The following DNAAF9 variants were observed in gnomAD, a reference collection of about 807,000 sequenced individuals.
DNAAF9 encodes the protein shulin.
In DNAAF9, 90 loss-of-function variants were observed where a neutral mutation model predicts 167.0. That is an observed-to-expected ratio of 0.54 (90% CI 0.45 to 0.64). DNAAF9 has a LOEUF of 0.64. Among genes scored for constraint, DNAAF9 ranks in the 30% least tolerant of loss-of-function variants. The probability of loss-of-function intolerance (pLI) is 0.00; values close to 1 mark genes in which losing one functional copy is unlikely to be tolerated. For synonymous variants in DNAAF9, 491 were observed against 508.8 expected, an observed-to-expected ratio of 0.96 and a Z score of 0.47; for missense variants, 1,315 against 1,442.2, an observed-to-expected ratio of 0.91 and a Z score of 1.43.
At chr20:3,350,590 G>A (rs1041317574) in intron 7 of DNAAF9, among the ~76,000 whole-genome samples, 7 of 152,140 alleles carry the variant, frequency 4.6e-5, no homozygotes, top group Non-Finnish European at 4.4e-5. Context: ...TCAGATTGTG[G>A]TGCTGAAATA....
chr20:3,360,834 C>G (rs1362228676), intron 6 of DNAAF9, among the ~76,000 whole-genome samples: 3 of 152,188 alleles, frequency 2.0e-5, no homozygotes, highest in Non-Finnish European at 4.4e-5. Context: ...TAAAACAATT[C>G]AGAAGGATCA....
At chr20:3,398,385 T>C (rs1305076614) in intron 1 of DNAAF9, among the ~76,000 whole-genome samples, 1 of 152,220 alleles carries the variant, frequency 6.6e-6, no homozygotes, top group Non-Finnish European at 1.5e-5. Flanking sequence ...TCCATTTTTT[T>C]ACTTAAATCC....
In DNAAF9 at chr20:3,256,033, C is replaced by T. The variant is rs1278184541; in HGVS notation, c.3234G>A (p.Lys1078=). The T allele has an allele frequency of 1.2e-6, 2 of 1,613,640 alleles. No homozygotes were observed. Among genetic ancestry groups the T allele is most frequent in the East Asian group, 4.5e-5 (2 of 44,880 alleles). The change falls in exon 34 of 37, where the codon AAG becomes AAA. Residue 1078 remains lysine (K), a synonymous_variant. Coordinates refer to ENST00000252032, the MANE Select transcript of DNAAF9 (RefSeq NM_001009984.3). ...GCTTAGCTGACTGCCGCAGCCAGTCCTTGATGCTGTCTTCCTTCAGGGAGC... is the reference window on the plus strand; with the variant it reads ...GCTTAGCTGACTGCCGCAGCCAGTCTTTGATGCTGTCTTCCTTCAGGGAGC... The part of the protein sequence containing the change: ...IGCSLKEDSI[K]DWLRQSAKQK...
At chr20:3,335,337 T>C (rs2069916825) in intron 10 of DNAAF9, among the ~76,000 whole-genome samples, 1 of 152,314 alleles carries the variant, frequency 6.6e-6, no homozygotes, top group East Asian at 1.9e-4. Context: ...CCCTTAATTC[T>C]AGAAGGATAT....
In DNAAF9 at chr20:3,340,660, CAT is replaced by C. The variant is rs779037316; in HGVS notation, c.846-23_846-22del. 1.1e-5 allele frequency: 18 copies of C among 1,613,206 alleles called. No homozygotes were observed. The East Asian group carries it at 1.8e-4, about 16-fold the overall frequency. On this transcript the variant is annotated intron_variant, in intron 9 of 36. Coordinates refer to ENST00000252032, the MANE Select transcript of DNAAF9 (RefSeq NM_001009984.3). Reference sequence around the variant, plus strand: ...TAGGGCTAGAGAGGGAAGTCAAAAACATGTGATTAGAAAAGAGTTCCTGGCCA... The same window carrying C: ...TAGGGCTAGAGAGGGAAGTCAAAAACGTGATTAGAAAAGAGTTCCTGGCCA...
In DNAAF9 at chr20:3,250,167, C is replaced by T. The variant is rs2068175599; in HGVS notation, c.*2405G>A. 1 of 152,234 alleles carries T rather than the reference C, an allele frequency of 6.6e-6. No homozygotes were observed. Among genetic ancestry groups the T allele is most frequent in the Non-Finnish European group, 1.5e-5 (1 of 68,036 alleles). 9.4% of individuals were successfully genotyped at this position (152,234 alleles called of 1,614,324 possible). On this transcript the variant is annotated 3_prime_UTR_variant, in exon 37 of 37. Transcript: ENST00000252032. ...CTTTGCTGGGTCCCTGGATCCACTT[C>T]TAAGGTCAAAAGCAGTGTCATGGCC...
intron 1 of DNAAF9, among the ~76,000 whole-genome samples, chr20:3,392,710 T>G (rs574355117): frequency 1.3e-5 from 2 of 152,374 alleles, no homozygotes; most frequent in East Asian, 3.9e-4. Context: ...TGTTTGTTTA[T>G]ATTTCATTAT....
At chr20:3,276,122 C>A (rs1301015647) in intron 29 of DNAAF9, among the ~76,000 whole-genome samples, 1 of 152,150 alleles carries the variant, frequency 6.6e-6, no homozygotes, top group Non-Finnish European at 1.5e-5. Context: ...AATCGGGTAG[C>A]CTGACTCATG....
At chr20:3,374,746 A>G (rs2083552851) in intron 5 of DNAAF9, among the ~76,000 whole-genome samples, 1 of 152,180 alleles carries the variant, frequency 6.6e-6, no homozygotes, top group African/African-American at 2.4e-5. Context: ...CATCTATACT[A>G]TACTCTTTGT....
chr20:3,395,210 A>G (rs1238268662), intron 1 of DNAAF9, among the ~76,000 whole-genome samples: 1 of 139,314 alleles, frequency 7.2e-6, no homozygotes. Context: ...TGACCTCGTG[A>G]TCCGCCCGTC....
At position 3,303,148 on chromosome 20, in the gene DNAAF9, G is replaced by A. The variant is rs1600741510; in HGVS notation, c.1782+1292C>T. On this transcript the variant is annotated intron_variant, in intron 21 of 36. Coordinates refer to ENST00000252032, the MANE Select transcript of DNAAF9 (RefSeq NM_001009984.3). ...TCTCAGCTACTCAGGAGGCTGACGC[G>A]GGAGAATGGCGTGAACCAGGGAGGC... 1.3e-5 allele frequency among the ~76,000 whole-genome samples: 2 copies of A among 151,792 alleles called. 1 individual carries two copies. The highest frequency in any genetic ancestry group is 4.1e-4 in the South Asian group (2 of 4,822).
intron 6 of DNAAF9, among the ~76,000 whole-genome samples, chr20:3,368,292 A>G (rs925057222): frequency 6.6e-6 from 1 of 151,960 alleles, no homozygotes; most frequent in African/African-American, 2.4e-5. Context: ...AACTTTCTCA[A>G]AGTGATAAGC....
At chr20:3,391,322 A>T (rs1439693318) in intron 1 of DNAAF9, among the ~76,000 whole-genome samples, 1 of 152,182 alleles carries the variant, frequency 6.6e-6, no homozygotes, top group Admixed American at 6.5e-5. Flanking sequence ...TAATTAAAAA[A>T]AAGAAAACCT....
At position 3,287,613 on chromosome 20, in the gene DNAAF9, G is replaced by T. The variant is rs1325297918; in HGVS notation, c.2486+19C>A. ...CATCACCCTGATTCGACTGTTTCCAGGAGACTTCCAATGCTCACCCTTGTA... is the reference window on the plus strand; with the variant it reads ...CATCACCCTGATTCGACTGTTTCCATGAGACTTCCAATGCTCACCCTTGTA... On this transcript the variant is annotated intron_variant, in intron 27 of 36. Coordinates refer to ENST00000252032, the MANE Select transcript of DNAAF9 (RefSeq NM_001009984.3). 1 of 1,613,276 alleles carries T rather than the reference G, an allele frequency of 6.2e-7. No homozygotes were observed.
chr20:3,255,326 C>A, intron 34 of DNAAF9, 42 bp from the exon 35 acceptor site: 1 of 1,255,156 alleles, frequency 8.0e-7, no homozygotes, highest in South Asian at 1.3e-5. Flanking sequence ...CAGCAGAACT[C>A]ATGGAGTGCA....
chr20:3,294,597 A>G lies in DNAAF9; in HGVS notation c.2051T>C (p.Leu684Pro). The change falls in exon 24 of 37, where the codon CTG becomes CCG. Residue 684 changes from leucine to proline, a missense_variant. By Grantham distance (98) the Leu-to-Pro change is moderately conservative. This residue lies in a region of DNAAF9 where 981 missense variants were observed against 1,012.5 expected (regional missense o/e 0.97). Coordinates refer to ENST00000252032, the MANE Select transcript of DNAAF9 (RefSeq NM_001009984.3). ...CCGTTTCTCCCCAGCAGGCTGGCTC[A>G]GGGCACTGAAGAGCTTCTGTGCACT... ...HSSAQKLFSA[L>P]SQPAGEKRSS... 6.2e-7 allele frequency: 1 copy of G among 1,613,146 alleles called. No homozygotes were observed. The highest frequency in any genetic ancestry group is 8.5e-7 in the Non-Finnish European group (1 of 1,179,094).
At chr20:3,319,207 G>A (rs1220087359) in intron 16 of DNAAF9, among the ~76,000 whole-genome samples, 1 of 129,554 alleles carries the variant, frequency 7.7e-6, no homozygotes, top group Non-Finnish European at 1.6e-5. Flanking sequence ...AGGCTGCAGT[G>A]ATCTATGATC....
At chr20:3,357,277 G>C (rs2083298010) in intron 7 of DNAAF9, among the ~76,000 whole-genome samples, 1 of 152,114 alleles carries the variant, frequency 6.6e-6, no homozygotes, top group African/African-American at 2.4e-5. Flanking sequence ...TTCAAGACCA[G>C]CCTGGCCAAC....
Position 3,255,830 on chromosome 20 carries a change from G to A in DNAAF9, c.3261+176C>T, listed in dbSNP as rs183597929. Among the ~76,000 whole-genome samples, 3 of 152,326 alleles carry A rather than the reference G, an allele frequency of 2.0e-5. No homozygotes were observed. The East Asian group carries it at 5.8e-4, about 29-fold the overall frequency. ...AACATAGCAGGCCTGCCTGGAGTTTGCTCTCAGTGGCTTCCTCCCTCTCTC... is the reference window on the plus strand; with the variant it reads ...AACATAGCAGGCCTGCCTGGAGTTTACTCTCAGTGGCTTCCTCCCTCTCTC... On this transcript the variant is annotated intron_variant, in intron 34 of 36. Transcript: ENST00000252032.
Sources: allele counts gnomAD v4.1 joint callset (sites outside exome capture counted in the v4.1 genomes callset), GRCh38; gene constraint gnomAD v4.1.1; regional missense constraint gnomAD v4.1.1; transcripts MANE v1.5; gene names NCBI Gene and HGNC (gene_info 2026-07-23, HGNC 2026-07-21).